The following TLN2 variants were observed in gnomAD, a reference collection of about 807,000 sequenced individuals.
The protein encoded by TLN2 is talin 2.
TLN2 carries 118 observed loss-of-function variants against 294.7 expected under a neutral mutation model. That is an observed-to-expected ratio of 0.40 (90% confidence interval 0.34 to 0.47). The LOEUF (loss-of-function observed/expected upper bound fraction) is 0.47. Among genes scored for constraint, TLN2 ranks in the 20% least tolerant of loss-of-function variants. The probability of loss-of-function intolerance (pLI) is 0.84; values close to 1 mark genes in which losing one functional copy is unlikely to be tolerated. For synonymous variants in TLN2, 1,431 were observed against 1,304.5 expected, an observed-to-expected ratio of 1.10 and a Z score of -2.09; for missense variants, 3,083 against 3,282.2, an observed-to-expected ratio of 0.94 and a Z score of 1.48.
Position 62,651,935 on chromosome 15 carries a change from A to G in TLN2, c.235-70A>G, listed in dbSNP as rs4329866. 0.043 allele frequency: 61,768 copies of G among 1,449,562 alleles called. 1,822 individuals carry two copies. Among genetic ancestry groups the G allele is most frequent in the African/African-American group, 0.11 (8,017 of 70,836 alleles). The allele number at this position is 1,449,562 out of a possible 1,614,324, so 89.8% of individuals were successfully genotyped here. On this transcript the variant is annotated intron_variant, in intron 5 of 58. Coordinates refer to ENST00000636159, the MANE Select transcript of TLN2 (RefSeq NM_015059.3). The stretch of plus-strand genomic sequence containing the variant: ...GATTTTTTTAAAATTCATTTTTTAA[A>G]GAAAAGTGTTCAAGTTTGTTATTTA...
At chr15:62,564,163 A>T (rs575684739) in intron 1 of TLN2, among the ~76,000 whole-genome samples, 7 of 152,320 alleles carry the variant, frequency 4.6e-5, no homozygotes, top group Admixed American at 1.3e-4. Flanking sequence ...TGTTTTACAC[A>T]TGAGGGAATG....
intron 1 of TLN2, among the ~76,000 whole-genome samples, chr15:62,504,894 C>G (rs1012677357): frequency 1.3e-5 from 2 of 151,510 alleles, no homozygotes; most frequent in African/African-American, 4.9e-5. Context: ...CCATTCTAAA[C>G]TCTGCCCCAC....
intron 7 of TLN2, 137 bp downstream of exon 7, chr15:62,653,451 C>A: frequency 9.2e-7 from 1 of 1,090,804 alleles, no homozygotes; most frequent in Non-Finnish European, 1.2e-6. Flanking sequence ...GTAGGCTGGG[C>A]TCAGTGGCTC....
chr15:62,555,162 A>C (rs1461298897), intron 1 of TLN2, among the ~76,000 whole-genome samples: 1 of 152,190 alleles, frequency 6.6e-6, no homozygotes, highest in Non-Finnish European at 1.5e-5. Flanking sequence ...TTCCTGCAGA[A>C]CATCTATGGG....
At chr15:62,736,258 T>C (rs1213342358) in intron 28 of TLN2, among the ~76,000 whole-genome samples, 1 of 151,184 alleles carries the variant, frequency 6.6e-6, no homozygotes, top group Non-Finnish European at 1.5e-5. Context: ...AGGCAGAGCT[T>C]GCAGTGAGCC....
intron 1 of TLN2, among the ~76,000 whole-genome samples, chr15:62,517,719 C>T (rs1425880574): frequency 6.6e-6 from 1 of 152,180 alleles, no homozygotes; most frequent in Non-Finnish European, 1.5e-5. Flanking sequence ...CCACATTACC[C>T]ACTTGGAAAA....
chr15:62,762,225 C>T, intron 38 of TLN2, 47 bp from the exon 39 acceptor site: 1 of 1,607,010 alleles, frequency 6.2e-7, no homozygotes. Flanking sequence ...ACGTCATTCA[C>T]TCATGTCTTC....
chr15:62,819,558 G>A lies in TLN2; in HGVS notation c.6814G>A (p.Ala2272Thr), dbSNP rs368081185. 9.3e-6 allele frequency: 15 copies of A among 1,613,790 alleles called. No individual in the cohort carries two copies. The East Asian group carries it at 2.0e-4, about 22-fold the overall frequency. The change falls in exon 53 of 59, where the codon GCT becomes ACT. Residue 2272 changes from alanine (A) to threonine (T), a missense_variant. Coordinates refer to ENST00000636159, the MANE Select transcript of TLN2 (RefSeq NM_015059.3). ...CCCAGAATTCAAGCAGCAGCTGGCCGCTTTCTCCAAGCGAGTCGCCGGCGC... is the reference window on the plus strand; with the variant it reads ...CCCAGAATTCAAGCAGCAGCTGGCCACTTTCTCCAAGCGAGTCGCCGGCGC... ...PTPEFKQQLA[A>T]FSKRVAGAVT...
chr15:62,746,816 A>G (rs2061640821), intron 32 of TLN2, among the ~76,000 whole-genome samples: 1 of 152,180 alleles, frequency 6.6e-6, no homozygotes, highest in South Asian at 2.1e-4. Context: ...AGAATTATGT[A>G]TTTGGTTTTG....
At chr15:62,675,121 G>A (rs2056018487) in intron 10 of TLN2, 96 bp from the exon 11 acceptor site, 2 of 1,107,248 alleles carry the variant, frequency 1.8e-6, no homozygotes, top group Non-Finnish European at 2.7e-6. Flanking sequence ...ATCATTCCTA[G>A]CCATTTATCT....
intron 1 of TLN2, among the ~76,000 whole-genome samples, chr15:62,511,287 A>G (rs557748352): frequency 6.6e-6 from 1 of 152,342 alleles, no homozygotes; most frequent in African/African-American, 2.4e-5. Context: ...TCTAAGTTGA[A>G]GAGCTGAGGA....
At position 62,475,294 on chromosome 15, in the gene TLN2, A is replaced by C. The variant is rs192159129; in HGVS notation, c.-238+84609A>C. On this transcript the variant is annotated intron_variant, in intron 1 of 58. Transcript: ENST00000636159. The stretch of plus-strand genomic sequence containing the variant: ...ACATTAATTTTCAGTTCTGTTCCAA[A>C]AGTGTAACAGAATTTTGGAATTTTC... Among the ~76,000 whole-genome samples, 15 of 152,310 alleles carry C rather than the reference A, an allele frequency of 9.8e-5. No homozygotes were observed. The East Asian group carries it at 1.9e-3, about 20-fold the overall frequency.
At chr15:62,536,977 C>T (rs547772540) in intron 1 of TLN2, among the ~76,000 whole-genome samples, 19 of 151,912 alleles carry the variant, frequency 1.3e-4, no homozygotes, top group South Asian at 2.1e-4. Flanking sequence ...TAACCACATT[C>T]ACCCCACAGT....
At chr15:62,808,318 T>C (rs2066435646) in intron 51 of TLN2, among the ~76,000 whole-genome samples, 1 of 152,164 alleles carries the variant, frequency 6.6e-6, no homozygotes, top group Non-Finnish European at 1.5e-5. Flanking sequence ...TTGCTGACTT[T>C]TTAATGACTA....
intron 1 of TLN2, among the ~76,000 whole-genome samples, chr15:62,560,603 G>A (rs561604187): frequency 6.6e-6 from 1 of 152,362 alleles, no homozygotes; most frequent in South Asian, 2.1e-4. Context: ...TGGGATTACA[G>A]GCGTGAGCCA....
chr15:62,792,906 T>G, intron 46 of TLN2, 119 bp downstream of exon 46: 1 of 1,463,992 alleles, frequency 6.8e-7, no homozygotes, highest in Non-Finnish European at 9.2e-7. Flanking sequence ...CTCAGCTGTC[T>G]CATCCCGATC....
intron 2 of TLN2, among the ~76,000 whole-genome samples, chr15:62,611,962 A>G (rs975753442): frequency 1.3e-5 from 2 of 152,220 alleles, no homozygotes; most frequent in Non-Finnish European, 2.9e-5. Flanking sequence ...TCAGTGGTGT[A>G]TAATTACTAT....
chr15:62,755,747 G>C, intron 37 of TLN2, 54 bp downstream of exon 37: 2 of 1,596,500 alleles, frequency 1.3e-6, no homozygotes, highest in East Asian at 2.2e-5. Context: ...GTTCTGGCGG[G>C]GGAAGGGGAA....
intron 12 of TLN2, among the ~76,000 whole-genome samples, chr15:62,689,606 T>C (rs1436328584): frequency 6.6e-6 from 1 of 151,968 alleles, no homozygotes; most frequent in Non-Finnish European, 1.5e-5. Context: ...CCTCTGAGAA[T>C]GTTATTATTT....
Sources: allele counts gnomAD v4.1 joint callset (sites outside exome capture counted in the v4.1 genomes callset), GRCh38; gene constraint gnomAD v4.1.1; transcripts MANE v1.5; gene names NCBI Gene and HGNC (gene_info 2026-07-23, HGNC 2026-07-21).